KLHL2: variants seen among roughly 807,000 people sequenced by gnomAD.
KLHL2 encodes kelch-like protein 2.
In KLHL2, 15 loss-of-function variants were observed where a neutral mutation model predicts 75.8. The ratio of observed to expected loss-of-function variants is 0.20; its 90% CI spans 0.13 to 0.30. The LOEUF is 0.30. KLHL2 is among the 10% of genes least tolerant of loss of function. KLHL2 has a pLI of 1.00. For synonymous variants in KLHL2, 214 were observed against 251.9 expected (o/e 0.85, Z 1.42); for missense variants, 381 against 741.0 (o/e 0.51, Z 5.64).
At chr4:165,310,824 G>T (rs1746103363) in intron 10 of KLHL2, 74 bp downstream of exon 10, 1 of 1,217,756 alleles carries the variant, frequency 8.2e-7, no homozygotes, top group African/African-American at 1.5e-5. Flanking sequence ...ATAAATTGTG[G>T]CAACATTAGG....
chr4:165,262,848 G>T (rs1239933607), intron 4 of KLHL2, among the ~76,000 whole-genome samples: 1 of 152,048 alleles, frequency 6.6e-6, no homozygotes, highest in Non-Finnish European at 1.5e-5. Context: ...CAAAGTGCCG[G>T]GATTACAGGT....
In KLHL2 at chr4:165,233,556, G is replaced by C. The variant is rs1051135326; in HGVS notation, c.259+4643G>C. Among the ~76,000 whole-genome samples the C allele has an allele frequency of 2.9e-4, 44 of 152,046 alleles. 1 individual carries two copies. The highest frequency in any genetic ancestry group is 1.3e-4 in the Admixed American group (2 of 15,270). ...TATTGTTTGAGTGACTAAGAAGTAA[G>C]ATTTTAAAAAGCTATATACATGGTT... On this transcript the variant is annotated intron_variant, in intron 3 of 14. Transcript: ENST00000226725.
chr4:165,237,076 A>C (rs956761875), intron 3 of KLHL2, among the ~76,000 whole-genome samples: 3 of 148,898 alleles, frequency 2.0e-5, no homozygotes, highest in Admixed American at 2.0e-4. Flanking sequence ...GGGGCTCTGT[A>C]GGTGAATCAG....
At chr4:165,321,499 A>T (rs1746973719) in intron 14 of KLHL2, 1 of 318,546 alleles carries the variant, frequency 3.1e-6, no homozygotes, top group African/African-American at 2.2e-5. Context: ...TACATGTAAA[A>T]TATGTGTTAA....
intron 5 of KLHL2, among the ~76,000 whole-genome samples, chr4:165,281,309 C>CTT (rs370907639): frequency 0.12 from 16,539 of 139,432 alleles, 1,040 homozygotes; most frequent in African/African-American, 0.17. Context: ...CTCTCTCTCT[C>CTT]TTTTTTTTTT....
At chr4:165,220,630 T>A (rs1737908661) in intron 2 of KLHL2, among the ~76,000 whole-genome samples, 1 of 152,262 alleles carries the variant, frequency 6.6e-6, no homozygotes. Context: ...TTTACCTTTT[T>A]AATGTGATTA....
In KLHL2 at chr4:165,287,688, GT is replaced by G. The variant is rs560432520; in HGVS notation, c.545-6670del. Among the ~76,000 whole-genome samples the G allele has an allele frequency of 2.3e-3, 348 of 152,180 alleles. 1 individual carries two copies. The highest frequency in any genetic ancestry group is 8.2e-3 in the African/African-American group (339 of 41,536). ...TTCTGGTTTGTTTGTTTGTTTGCTA[GT>G]AGCCACCCTAATGGGTGTGGGGTAA... On this transcript the variant is annotated intron_variant, in intron 5 of 14. Transcript: ENST00000226725.
chr4:165,270,675 C>T (rs1420774282), intron 5 of KLHL2, among the ~76,000 whole-genome samples: 8 of 152,134 alleles, frequency 5.3e-5, no homozygotes, highest in Non-Finnish European at 1.0e-4. Flanking sequence ...ATATTGCTGC[C>T]TGATCCTCCC....
intron 5 of KLHL2, among the ~76,000 whole-genome samples, chr4:165,274,059 ATTTTTCTTTTTCTTTTTC>A (rs141710832): frequency 7.5e-4 from 114 of 151,382 alleles, no homozygotes; most frequent in Middle Eastern, 3.4e-3. Flanking sequence ...TAAAGTTAAT[ATTTTTCTTTTTCTTTTTC>A]TTTTTCTTTT....
chr4:165,219,192 A>G (rs1042320536), intron 1 of KLHL2, among the ~76,000 whole-genome samples: 1 of 152,236 alleles, frequency 6.6e-6, no homozygotes, highest in African/African-American at 2.4e-5. Context: ...TTCACTGTTC[A>G]GTGTAGGAAA....
chr4:165,219,821 C>T, intron 1 of KLHL2, 113 bp from the exon 2 acceptor site: 1 of 1,373,520 alleles, frequency 7.3e-7, no homozygotes, highest in Non-Finnish European at 9.7e-7. Flanking sequence ...GAGACTTCCT[C>T]TAAATAAGTA....
At chr4:165,216,863 T>G (rs1737576941) in intron 1 of KLHL2, among the ~76,000 whole-genome samples, 2 of 152,192 alleles carry the variant, frequency 1.3e-5, no homozygotes, top group East Asian at 1.9e-4. Context: ...ACTTATTCCT[T>G]TAAGCCTTTG....
chr4:165,275,631 G>A, intron 5 of KLHL2, among the ~76,000 whole-genome samples: 1 of 152,016 alleles, frequency 6.6e-6, no homozygotes, highest in Non-Finnish European at 1.5e-5. Context: ...AAATAGAGAC[G>A]GGCTCTTGCT....
chr4:165,210,140 C>A (rs1484310792), intron 1 of KLHL2: 1 of 1,551,688 alleles, frequency 6.4e-7, no homozygotes, highest in Admixed American at 2.0e-5. Context: ...CTTAAAGTGC[C>A]TTATGGTATG....
chr4:165,222,612 G>T (rs1363594142), intron 2 of KLHL2, among the ~76,000 whole-genome samples: 1 of 152,072 alleles, frequency 6.6e-6, no homozygotes, highest in Non-Finnish European at 1.5e-5. Context: ...GACTGTCGTT[G>T]GAGTTCATCA....
intron 5 of KLHL2, among the ~76,000 whole-genome samples, chr4:165,277,432 T>C (rs1201809898): frequency 6.6e-6 from 1 of 152,228 alleles, no homozygotes; most frequent in Non-Finnish European, 1.5e-5. Flanking sequence ...TTTAATAATT[T>C]AGTAGATATT....
intron 1 of KLHL2, chr4:165,210,297 T>C (rs1737119631): frequency 9.7e-7 from 1 of 1,030,688 alleles, no homozygotes. Flanking sequence ...TTTACATTGT[T>C]CTCAGATCCC....
At chr4:165,259,087 A>T (rs1741436854) in intron 4 of KLHL2, among the ~76,000 whole-genome samples, 1 of 152,028 alleles carries the variant, frequency 6.6e-6, no homozygotes, top group African/African-American at 2.4e-5. Context: ...ATGTATTTCT[A>T]ACTATGAACC....
intron 5 of KLHL2, among the ~76,000 whole-genome samples, chr4:165,277,446 A>G (rs1472271967): frequency 1.3e-5 from 2 of 152,240 alleles, no homozygotes. Context: ...AGATATTTCT[A>G]TTCAAACATT....
Sources: allele counts gnomAD v4.1 joint callset (sites outside exome capture counted in the v4.1 genomes callset), GRCh38; gene constraint gnomAD v4.1.1; transcripts MANE v1.5; gene names NCBI Gene and HGNC (gene_info 2026-07-23, HGNC 2026-07-21).